The following BTBD9 variants were observed in gnomAD, a reference collection of about 807,000 sequenced individuals.
BTBD9 encodes the protein BTB domain containing 9.
Under a neutral mutation model 64.3 loss-of-function variants are expected in BTBD9, and 49 were observed. That is an observed-to-expected ratio of 0.76 (90% confidence interval 0.61 to 0.97). The LOEUF is 0.97. BTBD9 is among the 50% of genes least tolerant of loss of function. The pLI is 0.00. For synonymous variants in BTBD9, 260 were observed against 274.7 expected (o/e 0.95, Z 0.53); for missense variants, 598 against 762.1 (o/e 0.78, Z 2.53).
chr6:38,587,629 C>A, intron 4 of BTBD9: 1 of 597,452 alleles, frequency 1.7e-6, no homozygotes, highest in South Asian at 1.6e-5. Flanking sequence ...TGAATCAAGT[C>A]AGGTGAAATA....
At chr6:38,222,467 G>A (rs927515624) in intron 9 of BTBD9, among the ~76,000 whole-genome samples, 5 of 151,914 alleles carry the variant, frequency 3.3e-5, no homozygotes, top group East Asian at 1.9e-4. Flanking sequence ...CACCGTGTTA[G>A]CCAGGATGGT....
Position 38,288,382 on chromosome 6 carries a change from C to T in BTBD9, c.1344G>A (p.Leu448=). 6.2e-7 allele frequency: 1 copy of T among 1,614,160 alleles called. No homozygotes were observed. Among genetic ancestry groups the T allele is most frequent in the Middle Eastern group, 1.6e-4 (1 of 6,062 alleles). ...EGVSRSRNAL[L]NGDTKNYDWD... ...AGTCATAATTCTTAGTGTCCCCATT[C>T]AGCAAGGCATTTCGGCTCCGACTGA... is the stretch of plus-strand genomic sequence containing the variant. Residue 448 remains leucine (L), a synonymous_variant, in exon 8 of 11, where the codon CTG becomes CTA. Coordinates refer to ENST00000481247, the MANE Select transcript of BTBD9 (RefSeq NM_001099272.2).
chr6:38,274,884 C>T (rs963642082), intron 8 of BTBD9, among the ~76,000 whole-genome samples: 27 of 152,168 alleles, frequency 1.8e-4, no homozygotes, highest in Admixed American at 3.3e-4. Flanking sequence ...CAGGATGATG[C>T]TGGCCTCATA....
chr6:38,376,225 A>G lies in BTBD9; in HGVS notation c.1155-31132T>C, dbSNP rs1765692962. ...TGTGTGTGAAGAAAGGCTCACAGGG[A>G]ATGATTTAAGCTCAAATATTGTAAG... On this transcript the variant is annotated intron_variant, in intron 6 of 10. Coordinates refer to ENST00000481247, the MANE Select transcript of BTBD9 (RefSeq NM_001099272.2). 4.6e-5 allele frequency among the ~76,000 whole-genome samples: 7 copies of G among 152,202 alleles called. No homozygotes were observed. In the South Asian group the frequency reaches 1.4e-3, roughly 31 times the overall value.
chr6:38,413,325 G>A (rs999094505), intron 6 of BTBD9, among the ~76,000 whole-genome samples: 4 of 152,224 alleles, frequency 2.6e-5, no homozygotes, highest in Admixed American at 2.6e-4. Context: ...CAGTGAGGCA[G>A]CGGGGGCTGT....
At chr6:38,338,923 C>T (rs1250767105) in intron 7 of BTBD9, among the ~76,000 whole-genome samples, 2 of 152,192 alleles carry the variant, frequency 1.3e-5, no homozygotes, top group Admixed American at 6.5e-5. Context: ...TACCATTTCT[C>T]ACCTATCGAA....
chr6:38,474,829 C>T (rs1402293746), intron 6 of BTBD9, among the ~76,000 whole-genome samples: 3 of 151,952 alleles, frequency 2.0e-5, no homozygotes, highest in African/African-American at 7.3e-5. Flanking sequence ...TCTCTAATGC[C>T]TATAATTTGA....
intron 6 of BTBD9, among the ~76,000 whole-genome samples, chr6:38,436,372 A>AT (rs10647439): frequency 0.43 from 50,295 of 118,162 alleles, 12,105 homozygotes; most frequent in Non-Finnish European, 0.49. Context: ...CCCCAATTCT[A>AT]TTTTTTTTTT....
At chr6:38,180,164 G>A (rs1761482547) in intron 10 of BTBD9, among the ~76,000 whole-genome samples, 1 of 152,208 alleles carries the variant, frequency 6.6e-6, no homozygotes, top group South Asian at 2.1e-4. Context: ...TGGGATCCCA[G>A]AAATCCTCAG....
intron 1 of BTBD9, among the ~76,000 whole-genome samples, chr6:38,637,887 C>A (rs1044632967): frequency 6.6e-6 from 1 of 152,232 alleles, no homozygotes; most frequent in African/African-American, 2.4e-5. Flanking sequence ...CTCTATCCCA[C>A]CTTACAAGAA....
chr6:38,529,134 C>T (rs1773659564), intron 6 of BTBD9, among the ~76,000 whole-genome samples: 1 of 152,140 alleles, frequency 6.6e-6, no homozygotes, highest in South Asian at 2.1e-4. Context: ...GAATGAACAT[C>T]AGCCATAGCC....
intron 6 of BTBD9, among the ~76,000 whole-genome samples, chr6:38,564,616 C>T (rs1352567044): frequency 7.9e-5 from 12 of 151,850 alleles, no homozygotes; most frequent in South Asian, 2.1e-4. Context: ...TGGCCGAGCA[C>T]GGTGACTCAC....
intron 7 of BTBD9, among the ~76,000 whole-genome samples, chr6:38,297,171 G>A (rs535130233): frequency 1.3e-5 from 2 of 152,138 alleles, no homozygotes; most frequent in Admixed American, 6.5e-5. Flanking sequence ...TTCCAGAGCA[G>A]CCTGGCTAAC....
At chr6:38,205,681 C>T (rs1051618175) in intron 9 of BTBD9, among the ~76,000 whole-genome samples, 4 of 151,446 alleles carry the variant, frequency 2.6e-5, no homozygotes, top group Non-Finnish European at 4.4e-5. Flanking sequence ...GCCAGGAGTT[C>T]GAGACCAGCC....
Position 38,478,167 on chromosome 6 carries a change from G to A in BTBD9, c.1154+99433C>T, listed in dbSNP as rs531320452. Among the ~76,000 whole-genome samples the A allele has an allele frequency of 8.5e-5, 13 of 152,256 alleles. No individual in the cohort carries two copies. In the South Asian group the frequency reaches 1.0e-3, roughly 12 times the overall value. On this transcript the variant is annotated intron_variant, in intron 6 of 10. Coordinates refer to ENST00000481247, the MANE Select transcript of BTBD9 (RefSeq NM_001099272.2). ...CCTACCAGGAAGGGGGAGGGGGTCA[G>A]AAGTTTAAAAATTTTACCACCAGTC...
At chr6:38,550,830 C>G (rs866611497) in intron 6 of BTBD9, among the ~76,000 whole-genome samples, 1 of 152,184 alleles carries the variant, frequency 6.6e-6, no homozygotes, top group Admixed American at 6.5e-5. Flanking sequence ...CACAGGATTC[C>G]TTGGCTCAAT....
chr6:38,382,641 A>G (rs1465796282), intron 6 of BTBD9, among the ~76,000 whole-genome samples: 1 of 152,234 alleles, frequency 6.6e-6, no homozygotes, highest in East Asian at 1.9e-4. Flanking sequence ...AATCCAAAGA[A>G]GGTTCTTTGA....
At chr6:38,182,326 T>C (rs895879902) in intron 10 of BTBD9, among the ~76,000 whole-genome samples, 1 of 152,246 alleles carries the variant, frequency 6.6e-6, no homozygotes, top group Admixed American at 6.5e-5. Flanking sequence ...TTTTTATGTG[T>C]GTACACTCCA....
chr6:38,259,761 T>C (rs1263871959), intron 8 of BTBD9, among the ~76,000 whole-genome samples: 2 of 152,202 alleles, frequency 1.3e-5, no homozygotes, highest in African/African-American at 4.8e-5. Context: ...ACCTAATATT[T>C]TTGAACTCAT....
Sources: allele counts gnomAD v4.1 joint callset (sites outside exome capture counted in the v4.1 genomes callset), GRCh38; gene constraint gnomAD v4.1.1; transcripts MANE v1.5; gene names NCBI Gene and HGNC (gene_info 2026-07-23, HGNC 2026-07-21).